GATAD2A: variants seen among roughly 807,000 people sequenced by gnomAD.
The protein encoded by GATAD2A is GATA zinc finger domain containing 2A, also known as transcriptional repressor p66-alpha.
In GATAD2A, 12 loss-of-function variants were observed where a neutral mutation model predicts 68.5. The ratio of observed to expected loss-of-function variants is 0.18; its 90% CI spans 0.11 to 0.28. GATAD2A has a LOEUF of 0.28. Among genes scored for constraint, GATAD2A ranks in the 10% least tolerant of loss-of-function variants. GATAD2A has a pLI of 1.00. For missense variants in GATAD2A, 755 were observed against 868.5 expected, an observed-to-expected ratio of 0.87 and a Z score of 1.64; for synonymous variants, 410 against 375.3, an observed-to-expected ratio of 1.09 and a Z score of -1.07.
At chr19:19,436,161 T>C (rs775970509) in intron 1 of GATAD2A, 1 of 1,366,420 alleles carries the variant, frequency 7.3e-7, no homozygotes, top group Admixed American at 1.9e-5. Context: ...AAGTAGCCTT[T>C]TGATGTCACT....
chr19:19,488,197 G>C (rs2148342578), intron 2 of GATAD2A, among the ~76,000 whole-genome samples: 1 of 152,332 alleles, frequency 6.6e-6, no homozygotes, highest in East Asian at 1.9e-4. Context: ...GCGGTGGTCA[G>C]ACATTCACGG....
chr19:19,407,637 C>T (rs1223220050), intron 1 of GATAD2A, among the ~76,000 whole-genome samples: 2 of 152,198 alleles, frequency 1.3e-5, no homozygotes, highest in African/African-American at 2.4e-5. Flanking sequence ...TCCAGGGCAC[C>T]TCTGTTTGCG....
rs1020432785 is a variant in GATAD2A, at chr19:19,507,892, G to A, written c.*2418G>A. 6.6e-6 allele frequency: 1 copy of A among 152,234 alleles called. No homozygotes were observed. The highest frequency in any genetic ancestry group is 1.5e-5 in the Non-Finnish European group (1 of 68,052). 9.4% of individuals were successfully genotyped at this position (152,234 alleles called of 1,614,324 possible). A position where few individuals can be genotyped will look rare whatever the true frequency, so the allele number is the denominator to read the frequency against. On this transcript the variant is annotated 3_prime_UTR_variant, in exon 12 of 12. Transcript: ENST00000683918. ...CTCTACGATAAGCCCCAAGCGGGTT[G>A]TTGTATTATGACGTTTATGATGTTC...
intron 1 of GATAD2A, among the ~76,000 whole-genome samples, chr19:19,406,877 C>T (rs2050339522): frequency 6.6e-6 from 1 of 152,146 alleles, no homozygotes; most frequent in Non-Finnish European, 1.5e-5. Flanking sequence ...GAATGACAAC[C>T]CTTAGGTGCG....
At chr19:19,446,040 C>T (rs1175566876) in intron 1 of GATAD2A, among the ~76,000 whole-genome samples, 3 of 152,196 alleles carry the variant, frequency 2.0e-5, no homozygotes, top group Admixed American at 6.5e-5. Flanking sequence ...ACTGGCAGAC[C>T]GTTTTCCACA....
chr19:19,398,138 G>A (rs2049409570), intron 1 of GATAD2A, among the ~76,000 whole-genome samples: 1 of 152,010 alleles, frequency 6.6e-6, no homozygotes, highest in African/African-American at 2.4e-5. Context: ...CCTGACCTCA[G>A]GTGATCTGGC....
At chr19:19,455,060 A>G (rs904735015) in intron 1 of GATAD2A, among the ~76,000 whole-genome samples, 11 of 152,150 alleles carry the variant, frequency 7.2e-5, no homozygotes, top group Non-Finnish European at 1.6e-4. Flanking sequence ...GTGGATTGAA[A>G]ATATTTGGGG....
At chr19:19,404,887 G>C (rs900949432), upstream of GATAD2A, among the ~76,000 whole-genome samples, 1 of 152,176 alleles carries the variant, frequency 6.6e-6, no homozygotes, top group African/African-American at 2.4e-5. Flanking sequence ...CTCAGAACCT[G>C]ATTTTGGTAT....
At position 19,507,265 on chromosome 19, in the gene GATAD2A, AAAATC is replaced by A. The variant is rs1455320776; in HGVS notation, c.*1794_*1798del. 5 of 151,762 alleles carry A rather than the reference AAAATC, an allele frequency of 3.3e-5. No individual in the cohort carries two copies. The highest frequency in any genetic ancestry group is 6.6e-5 in the Admixed American group (1 of 15,220). 9.4% of individuals were successfully genotyped at this position (151,762 alleles called of 1,614,324 possible). On this transcript the variant is annotated 3_prime_UTR_variant, in exon 12 of 12. Transcript: ENST00000683918. ...GTTTTTTACACCAAAAAAAAAAAAA[AAAATC>A]AAGAGTATGCAAGCATTTCTATTCC...
chr19:19,456,458 C>T (rs1449313296), intron 1 of GATAD2A, among the ~76,000 whole-genome samples: 5 of 152,178 alleles, frequency 3.3e-5, no homozygotes, highest in Non-Finnish European at 4.4e-5. Flanking sequence ...AGCCACTGAG[C>T]ATGTGTGTAG....
chr19:19,501,295 C>A lies in GATAD2A; in HGVS notation c.1382C>A (p.Ala461Asp), dbSNP rs752702588. 3.1e-6 allele frequency: 5 copies of A among 1,613,128 alleles called. No homozygotes were observed. The highest frequency in any genetic ancestry group is 4.2e-6 in the Non-Finnish European group (5 of 1,179,978). Residue 461 changes from alanine to aspartate, a missense_variant, in exon 9 of 12, where the codon GCC becomes GAC. Transcript: ENST00000683918. ...LKVEHTSRLK[A>D]AFVKALQQEQ... ...GTGGAGCACACCAGCCGGCTGAAGG[C>A]CGCCTTTGTGAAGGCGCTGCAGCAG...
chr19:19,400,683 C>A (rs2049644163), upstream of GATAD2A, among the ~76,000 whole-genome samples: 3 of 152,086 alleles, frequency 2.0e-5, no homozygotes, highest in Non-Finnish European at 2.9e-5. Flanking sequence ...TTAATCTTTT[C>A]TTTTCTTTTC....
At chr19:19,426,249 T>C (rs957742976) in intron 1 of GATAD2A, among the ~76,000 whole-genome samples, 2 of 152,164 alleles carry the variant, frequency 1.3e-5, no homozygotes, top group African/African-American at 4.8e-5. Context: ...GCTTGGGTGC[T>C]CCAGGAAGTG....
chr19:19,451,841 G>A (rs777326215), intron 1 of GATAD2A, among the ~76,000 whole-genome samples: 1 of 152,204 alleles, frequency 6.6e-6, no homozygotes, highest in Non-Finnish European at 1.5e-5. Flanking sequence ...GCAGAAGAAA[G>A]ACTTTTTTTC....
chr19:19,453,679 A>T (rs4808956), intron 1 of GATAD2A, among the ~76,000 whole-genome samples: 1 of 138,998 alleles, frequency 7.2e-6, no homozygotes, highest in Non-Finnish European at 1.5e-5. Flanking sequence ...ATTTTTTTAA[A>T]ATTTTTTTTT....
At chr19:19,495,937 A>G (rs757086979) in intron 6 of GATAD2A, 52 bp downstream of exon 6, 10 of 1,596,652 alleles carry the variant, frequency 6.3e-6, no homozygotes, top group Admixed American at 5.0e-5. Flanking sequence ...GCAGTCGTCT[A>G]CCTTGAAAGT....
At chr19:19,398,483 G>T (rs1295331336) in intron 1 of GATAD2A, among the ~76,000 whole-genome samples, 1 of 151,914 alleles carries the variant, frequency 6.6e-6, no homozygotes, top group African/African-American at 2.4e-5. Context: ...TTACAGGCGT[G>T]AGCCACCATG....
At chr19:19,480,743 C>G (rs1477593377) in intron 2 of GATAD2A, among the ~76,000 whole-genome samples, 1 of 152,246 alleles carries the variant, frequency 6.6e-6, no homozygotes, top group Non-Finnish European at 1.5e-5. Context: ...GCACCCAGCC[C>G]CCTCAGTGGT....
chr19:19,442,664 G>A (rs958312721), intron 1 of GATAD2A, among the ~76,000 whole-genome samples: 5 of 151,394 alleles, frequency 3.3e-5, no homozygotes, highest in Non-Finnish European at 7.4e-5. Flanking sequence ...GCTGGCTGTG[G>A]TTATACGCAC....
Sources: gnomAD v4.1 joint callset for allele counts (sites outside exome capture counted in the v4.1 genomes callset) on GRCh38, gnomAD v4.1.1 for gene constraint, MANE v1.5 for transcripts, NCBI Gene and HGNC (gene_info 2026-07-23, HGNC 2026-07-21) for gene names.